SCUBE2: variants seen among roughly 807,000 people sequenced by gnomAD.
SCUBE2 encodes signal peptide, CUB domain and EGF like domain containing 2.
In SCUBE2, 114 loss-of-function variants were observed where a neutral mutation model predicts 125.9. That is an observed-to-expected ratio of 0.91 (90% confidence interval 0.78 to 1.06). The LOEUF is 1.06. Ranked by LOEUF, SCUBE2 falls within the 50% of genes least tolerant of loss-of-function variation. The pLI is 0.00. For missense variants in SCUBE2, 1,255 were observed against 1,301.8 expected (o/e 0.96, Z 0.55); for synonymous variants, 459 against 492.9 (o/e 0.93, Z 0.91).
intron 9 of SCUBE2, among the ~76,000 whole-genome samples, chr11:9,058,291 T>C (rs1859301480): frequency 6.6e-6 from 1 of 152,016 alleles, no homozygotes; most frequent in Non-Finnish European, 1.5e-5. Context: ...AGTGAAACCC[T>C]GACTCTACTA....
chr11:9,041,846 G>A (rs539852076), intron 16 of SCUBE2, among the ~76,000 whole-genome samples: 2 of 152,284 alleles, frequency 1.3e-5, no homozygotes, highest in South Asian at 4.1e-4. Flanking sequence ...TTTGTGTGAT[G>A]TTGGAAATGA....
chr11:9,023,852 A>G (rs914341590), intron 21 of SCUBE2, among the ~76,000 whole-genome samples: 4 of 152,350 alleles, frequency 2.6e-5, no homozygotes, highest in Admixed American at 2.0e-4. Flanking sequence ...GCAGTCAGCA[A>G]TGCTCAATGT....
In SCUBE2 at chr11:9,025,859, C is replaced by T; in HGVS notation, c.2702-5G>A. The T allele has an allele frequency of 6.2e-7, 1 of 1,613,066 alleles. No individual in the cohort carries two copies. On this transcript the variant is annotated splice_polypyrimidine_tract_variant and splice_region_variant and intron_variant, in intron 20 of 22. Coordinates refer to ENST00000649792, the MANE Select transcript of SCUBE2 (RefSeq NM_001367977.2). Reference sequence around the variant, plus strand: ...TTGTCACAGAATTGGATGAAGCTGCCAAGGGAAGTTGGAGAAGGGTGGGGT... The same window carrying T: ...TTGTCACAGAATTGGATGAAGCTGCTAAGGGAAGTTGGAGAAGGGTGGGGT...
chr11:9,033,744 T>A lies in SCUBE2; in HGVS notation c.2055A>T (p.Leu685Phe). 6.2e-7 allele frequency: 1 copy of A among 1,614,082 alleles called. No individual in the cohort carries two copies. The highest frequency in any genetic ancestry group is 8.5e-7 in the Non-Finnish European group (1 of 1,180,012). Reference protein sequence around the residue: ...YYDGARERCILCPNGTFQNEE... With the variant: ...YYDGARERCIFCPNGTFQNEE... ...CATTTTGGAAGGTTCCATTTGGACA[T>A]AAAATGCAGCGTTCTCGTGCTCCAT... The change falls in exon 17 of 23, where the codon TTA becomes TTT. Residue 685 changes from leucine (L) to phenylalanine (F), a missense_variant. Leu to Phe is a conservative substitution (Grantham distance 22). Transcript: ENST00000649792.
At chr11:9,090,720 A>G (rs1227631087) in intron 1 of SCUBE2, among the ~76,000 whole-genome samples, 3 of 151,830 alleles carry the variant, frequency 2.0e-5, no homozygotes, top group African/African-American at 7.2e-5. Context: ...ACCCCTGCCC[A>G]TCCTCTCAAC....
At chr11:9,079,282 A>G in intron 3 of SCUBE2, 102 bp downstream of exon 3, 1 of 1,360,720 alleles carries the variant, frequency 7.3e-7, no homozygotes, top group South Asian at 1.4e-5. Context: ...AGAAAACACA[A>G]GGCTCTGAGC....
chr11:9,024,448 A>G (rs1342885138), intron 21 of SCUBE2: 2 of 1,268,148 alleles, frequency 1.6e-6, no homozygotes, highest in African/African-American at 3.1e-5. Context: ...TGCTTTTGTT[A>G]CTTTTTAGGA....
At chr11:9,021,743 TA>T (rs1411785847) in intron 22 of SCUBE2, 132 bp downstream of exon 22, 25 of 630,138 alleles carry the variant, frequency 4.0e-5, no homozygotes, top group Non-Finnish European at 5.1e-5. Context: ...GGTGAAGGTA[TA>T]AAACTGACCT....
chr11:9,074,710 T>C (rs532422207), intron 3 of SCUBE2, 95 bp from the exon 4 acceptor site: 1 of 1,416,828 alleles, frequency 7.1e-7, no homozygotes, highest in East Asian at 2.3e-5. Flanking sequence ...AAAGATGAGG[T>C]TCCTCTTCAC....
intron 4 of SCUBE2, 33 bp from the exon 5 acceptor site, chr11:9,069,528 G>A (rs1860578761): frequency 6.2e-7 from 1 of 1,613,188 alleles, no homozygotes; most frequent in Non-Finnish European, 8.5e-7. Context: ...AGGTGACTAG[G>A]CTGTGGTCAG....
intron 2 of SCUBE2, among the ~76,000 whole-genome samples, chr11:9,083,787 G>A (rs893698102): frequency 2.0e-5 from 3 of 151,978 alleles, no homozygotes; most frequent in South Asian, 4.2e-4. Flanking sequence ...TGACCCACCC[G>A]CCTCGGCCTC....
chr11:9,037,414 A>C (rs1050580210), intron 16 of SCUBE2, among the ~76,000 whole-genome samples: 6 of 152,264 alleles, frequency 3.9e-5, no homozygotes, highest in African/African-American at 1.4e-4. Context: ...GGCGACAAAG[A>C]AGCTTGAAGC....
chr11:9,074,789 G>A (rs911941903), intron 3 of SCUBE2, among the ~76,000 whole-genome samples, 174 bp from the exon 4 acceptor site: 1 of 152,196 alleles, frequency 6.6e-6, no homozygotes, highest in Non-Finnish European at 1.5e-5. Flanking sequence ...CAGTCCTTAC[G>A]GGTCTGGGGC....
intron 16 of SCUBE2, among the ~76,000 whole-genome samples, chr11:9,046,058 G>A (rs1857712014): frequency 7.1e-6 from 1 of 140,828 alleles, no homozygotes; most frequent in South Asian, 2.3e-4. Flanking sequence ...CCAGGCTGGA[G>A]TGCAGTGGCA....
chr11:9,067,859 A>AC (rs544224180), intron 5 of SCUBE2, among the ~76,000 whole-genome samples: 204 of 25,852 alleles, frequency 7.9e-3, no homozygotes, highest in African/African-American at 0.027. Flanking sequence ...ACAGGTGCCC[A>AC]CCCCCCCGCC....
At chr11:9,028,160 A>G (rs1186113806) in intron 19 of SCUBE2, among the ~76,000 whole-genome samples, 2 of 152,032 alleles carry the variant, frequency 1.3e-5, no homozygotes. Flanking sequence ...CAAGCCTCCC[A>G]AGAAGCTGGG....
intron 16 of SCUBE2, among the ~76,000 whole-genome samples, chr11:9,044,212 A>G (rs1369180436): frequency 6.6e-6 from 1 of 152,226 alleles, no homozygotes; most frequent in Non-Finnish European, 1.5e-5. Flanking sequence ...ATCTAACTAC[A>G]GTTAAAAACA....
At chr11:9,084,928 T>C (rs1861935095) in intron 2 of SCUBE2, among the ~76,000 whole-genome samples, 1 of 152,164 alleles carries the variant, frequency 6.6e-6, no homozygotes, top group East Asian at 1.9e-4. Flanking sequence ...TGTTTTGTTT[T>C]AGAGACAGGC....
chr11:9,070,965 A>C (rs140517784), intron 4 of SCUBE2, among the ~76,000 whole-genome samples: 1 of 152,288 alleles, frequency 6.6e-6, no homozygotes, highest in East Asian at 1.9e-4. Flanking sequence ...TTAACACAGA[A>C]AGAGACTTGC....
Sources: allele counts gnomAD v4.1 joint callset (sites outside exome capture counted in the v4.1 genomes callset), GRCh38; gene constraint gnomAD v4.1.1; transcripts MANE v1.5; gene names NCBI Gene and HGNC (gene_info 2026-07-23, HGNC 2026-07-21).